TAFA2: variants seen among roughly 807,000 people sequenced by gnomAD.
TAFA2 encodes the protein TAFA chemokine like family member 2.
Under a neutral mutation model 18.8 loss-of-function variants are expected in TAFA2, and 7 were observed. The ratio of observed to expected loss-of-function variants is 0.37; its 90% CI spans 0.21 to 0.70. The LOEUF (loss-of-function observed/expected upper bound fraction) is 0.70. TAFA2 is among the 30% of genes least tolerant of loss of function. The probability of loss-of-function intolerance (pLI) is 0.53; values close to 1 mark genes in which losing one functional copy is unlikely to be tolerated. For synonymous variants in TAFA2, 60 were observed against 54.2 expected, an observed-to-expected ratio of 1.11 and a Z score of -0.47; for missense variants, 122 against 158.1, an observed-to-expected ratio of 0.77 and a Z score of 1.23.
chr12:62,147,525 C>T (rs1469592829), intron 1 of TAFA2, among the ~76,000 whole-genome samples: 5 of 149,780 alleles, frequency 3.3e-5, no homozygotes, highest in Admixed American at 2.7e-4. Context: ...GTCAGGAGAT[C>T]AAGACCATCC....
At chr12:61,723,464 T>G (rs1046054538) in intron 4 of TAFA2, among the ~76,000 whole-genome samples, 1 of 152,042 alleles carries the variant, frequency 6.6e-6, no homozygotes, top group Admixed American at 6.6e-5. Flanking sequence ...GAATCGATAT[T>G]TGGATTCTCT....
intron 1 of TAFA2, among the ~76,000 whole-genome samples, chr12:62,079,932 G>A (rs1228317571): frequency 6.6e-6 from 1 of 152,150 alleles, no homozygotes; most frequent in African/African-American, 2.4e-5. Context: ...TTAGCTCACA[G>A]TTCTACAGGT....
chr12:61,711,844 G>A (rs1481821718), intron 4 of TAFA2, among the ~76,000 whole-genome samples: 2 of 151,962 alleles, frequency 1.3e-5, no homozygotes, highest in Non-Finnish European at 2.9e-5. Flanking sequence ...AACACATGAA[G>A]AGCCTACTGA....
intron 1 of TAFA2, among the ~76,000 whole-genome samples, chr12:62,042,401 CTGTG>C (rs147189045): frequency 0.11 from 15,159 of 143,988 alleles, 932 homozygotes; most frequent in Non-Finnish European, 0.15. Context: ...GCATTGAAGT[CTGTG>C]TGTGTGTGTG....
At chr12:61,720,831 T>C in intron 4 of TAFA2, 2 of 486,214 alleles carry the variant, frequency 4.1e-6, no homozygotes, top group Non-Finnish European at 8.2e-6. Context: ...CAAAACTTTT[T>C]TGAGTGTGGA....
intron 1 of TAFA2, among the ~76,000 whole-genome samples, chr12:62,239,670 G>T (rs1298688263): frequency 1.3e-5 from 2 of 152,162 alleles, no homozygotes; most frequent in Non-Finnish European, 2.9e-5. Context: ...TGCTTGTAGA[G>T]GCCATGTGTA....
At chr12:62,115,988 A>G (rs561474219) in intron 1 of TAFA2, among the ~76,000 whole-genome samples, 2 of 152,356 alleles carry the variant, frequency 1.3e-5, no homozygotes, top group South Asian at 4.1e-4. Context: ...TATGGAGAGA[A>G]AAAGGAATCA....
intron 2 of TAFA2, 23 bp downstream of exon 2, chr12:61,867,296 GA>G (rs34255534): frequency 2.1e-4 from 265 of 1,286,086 alleles, no homozygotes; most frequent in Admixed American, 2.3e-4. Flanking sequence ...ACATTTAGTT[GA>G]AAAAAAAAAC....
intron 2 of TAFA2, among the ~76,000 whole-genome samples, chr12:61,777,754 CTTG>C: frequency 6.6e-6 from 1 of 151,678 alleles, no homozygotes; most frequent in East Asian, 1.9e-4. Flanking sequence ...ATCTCATAAC[CTTG>C]TTGTAAGAAT....
At chr12:62,166,527 A>G (rs977433597) in intron 1 of TAFA2, among the ~76,000 whole-genome samples, 1 of 152,116 alleles carries the variant, frequency 6.6e-6, no homozygotes. Flanking sequence ...CCTTGCTTCA[A>G]CTTTTGCTTC....
chr12:61,910,100 T>TGTGTTTG (rs1876541479), intron 1 of TAFA2, among the ~76,000 whole-genome samples: 1 of 144,802 alleles, frequency 6.9e-6, no homozygotes, highest in African/African-American at 2.6e-5. Context: ...GTGTGTGTGT[T>TGTGTTTG]TGTGTGTGTG....
chr12:61,861,313 G>T (rs1178564789), intron 2 of TAFA2, among the ~76,000 whole-genome samples: 1 of 149,058 alleles, frequency 6.7e-6, no homozygotes, highest in Non-Finnish European at 1.5e-5. Context: ...TCAGGCTGGA[G>T]TGCAATGGCA....
At chr12:62,050,029 C>T (rs1882010117) in intron 1 of TAFA2, among the ~76,000 whole-genome samples, 1 of 152,178 alleles carries the variant, frequency 6.6e-6, no homozygotes, top group Non-Finnish European at 1.5e-5. Context: ...CAGACTAATG[C>T]TGACTAGAGC....
At chr12:62,014,427 A>T (rs950497899) in intron 1 of TAFA2, among the ~76,000 whole-genome samples, 15 of 152,116 alleles carry the variant, frequency 9.9e-5, no homozygotes, top group Non-Finnish European at 2.2e-4. Context: ...CCAGAAAATC[A>T]AGACCAGCCT....
intron 1 of TAFA2, among the ~76,000 whole-genome samples, chr12:62,178,552 T>C (rs2062530572): frequency 1.3e-5 from 2 of 152,152 alleles, no homozygotes; most frequent in South Asian, 4.1e-4. Context: ...AGACACAAGA[T>C]TCCCAGATTA....
chr12:62,072,702 T>C lies in TAFA2; in HGVS notation c.-2+118557A>G, dbSNP rs538048699. 6.6e-5 allele frequency among the ~76,000 whole-genome samples: 10 copies of C among 152,106 alleles called. No homozygotes were observed. In the East Asian group the frequency reaches 1.7e-3, roughly 26 times the overall value. On this transcript the variant is annotated intron_variant, in intron 1 of 4. Coordinates refer to ENST00000416284, the MANE Select transcript of TAFA2 (RefSeq NM_178539.5). ...TTGGGAGGCTGAGGTAGAAGAATCA[T>C]CTGAGCCTGGGAAGTTGAGGCTGAA... is the stretch of plus-strand genomic sequence containing the variant.
intron 2 of TAFA2, among the ~76,000 whole-genome samples, chr12:61,789,247 G>A (rs1870871943): frequency 6.6e-6 from 1 of 151,818 alleles, no homozygotes; most frequent in African/African-American, 2.4e-5. Flanking sequence ...TATTGCCTAG[G>A]TTTACTTCTA....
chr12:61,824,159 CA>C (rs1872439824), intron 2 of TAFA2, among the ~76,000 whole-genome samples: 1 of 152,144 alleles, frequency 6.6e-6, no homozygotes, highest in Non-Finnish European at 1.5e-5. Context: ...AGAGAAATCT[CA>C]GTCCTACCAC....
intron 1 of TAFA2, among the ~76,000 whole-genome samples, chr12:62,226,185 T>C (rs2136981329): frequency 6.6e-6 from 1 of 150,504 alleles, no homozygotes; most frequent in South Asian, 2.1e-4. Flanking sequence ...TATCTTTCTC[T>C]TGATTACTCT....
Sources: gnomAD v4.1 joint callset for allele counts (sites outside exome capture counted in the v4.1 genomes callset) on GRCh38, gnomAD v4.1.1 for gene constraint, MANE v1.5 for transcripts, NCBI Gene and HGNC (gene_info 2026-07-23, HGNC 2026-07-21) for gene names.